Variants in GABRA3 observed in about 807,000 individuals in gnomAD.
The protein encoded by GABRA3 is gamma-aminobutyric acid type A receptor subunit alpha3, also known as gamma-aminobutyric acid receptor subunit alpha-3.
Under a neutral mutation model 30.1 loss-of-function variants are expected in GABRA3, and 10 were observed. The ratio of observed to expected loss-of-function variants is 0.33; its 90% CI spans 0.20 to 0.56. GABRA3 has a LOEUF of 0.56. Among genes scored for constraint, GABRA3 ranks in the 20% least tolerant of loss-of-function variants. The pLI, the probability that GABRA3 is intolerant of heterozygous loss-of-function variation, is 0.89. For synonymous variants in GABRA3, 151 were observed against 146.8 expected (o/e 1.03, Z -0.21); for missense variants, 233 against 392.0 (o/e 0.59, Z 3.42).
chrX:152,345,721 A>G lies in GABRA3; in HGVS notation c.141-19T>C. The G allele has an allele frequency of 8.7e-7, 1 of 1,149,475 alleles. No homozygotes were observed. Among genetic ancestry groups the G allele is most frequent in the South Asian group, 2.0e-5 (1 of 49,444 alleles). The allele number at this position is 1,149,475 out of a possible 1,213,427, so 94.7% of individuals were successfully genotyped here. On this transcript the variant is annotated intron_variant, in intron 2 of 9. Transcript: ENST00000370314. Reference sequence around the variant, plus strand: ...AGACAGCCTGAGGCAATGCAAGGAAAAGAAAAAAAATAATAGTTCTTAATA... The same window carrying G: ...AGACAGCCTGAGGCAATGCAAGGAAGAGAAAAAAAATAATAGTTCTTAATA...
chrX:152,272,783 T>G (rs1358423220), intron 4 of GABRA3, among the ~76,000 whole-genome samples: 3 of 111,320 alleles, frequency 2.7e-5, no homozygotes, highest in Admixed American at 1.9e-4. Context: ...CCTCATGCTG[T>G]TCTCATGATA....
intron 3 of GABRA3, among the ~76,000 whole-genome samples, chrX:152,288,002 T>C (rs1460823328): frequency 9.0e-6 from 1 of 111,573 alleles, no homozygotes; most frequent in East Asian, 2.8e-4. Flanking sequence ...GGTTGCCTTT[T>C]CAATGAAAGT....
intron 6 of GABRA3, among the ~76,000 whole-genome samples, chrX:152,219,069 C>T (rs767915270): frequency 2.7e-5 from 3 of 111,310 alleles, no homozygotes; most frequent in Non-Finnish European, 3.8e-5. Context: ...TTTTCTCATA[C>T]GTCACCTGTC....
At chrX:152,179,493 C>A (rs1411291750) in intron 9 of GABRA3, among the ~76,000 whole-genome samples, 1 of 106,690 alleles carries the variant, frequency 9.4e-6, no homozygotes, top group Non-Finnish European at 1.9e-5. Flanking sequence ...TCTGTGAGTT[C>A]AATTTTTTTT....
intron 3 of GABRA3, among the ~76,000 whole-genome samples, chrX:152,341,933 C>T (rs969578588): frequency 1.8e-5 from 2 of 110,306 alleles, no homozygotes; most frequent in Non-Finnish European, 3.8e-5. Flanking sequence ...AATGCAGTGG[C>T]GTGATCTCAG....
intron 1 of GABRA3, among the ~76,000 whole-genome samples, chrX:152,397,546 C>T (rs1320600619): frequency 1.8e-5 from 2 of 111,438 alleles, no homozygotes; most frequent in Admixed American, 1.9e-4. Context: ...TATTACTACC[C>T]TCTTAAAGTC....
At chrX:152,246,825 C>T (rs1027379952) in intron 5 of GABRA3, among the ~76,000 whole-genome samples, 1 of 111,050 alleles carries the variant, frequency 9.0e-6, no homozygotes, top group Admixed American at 9.6e-5. Context: ...TAAGAAACTA[C>T]AGGTGGAATC....
At chrX:152,296,189 C>T (rs1939524921) in intron 3 of GABRA3, among the ~76,000 whole-genome samples, 1 of 111,849 alleles carries the variant, frequency 8.9e-6, no homozygotes, top group African/African-American at 3.3e-5. Context: ...ATTGCATACA[C>T]TTTTCATCTT....
chrX:152,248,722 G>A (rs1233908840), intron 5 of GABRA3, among the ~76,000 whole-genome samples: 1 of 111,222 alleles, frequency 9.0e-6, no homozygotes, highest in Non-Finnish European at 1.9e-5. Context: ...TTTATAATTA[G>A]GTAGGAGTAA....
At chrX:152,359,733 G>C (rs1928427170) in intron 2 of GABRA3, among the ~76,000 whole-genome samples, 1 of 111,175 alleles carries the variant, frequency 9.0e-6, no homozygotes, top group Non-Finnish European at 1.9e-5. Flanking sequence ...CCATGTCCCA[G>C]AGATTCTGGT....
intron 6 of GABRA3, among the ~76,000 whole-genome samples, chrX:152,212,119 C>CA (rs56202504): frequency 0.12 from 12,222 of 103,489 alleles, 1,195 homozygotes; most frequent in East Asian, 0.3. Context: ...ACCGTCTCTG[C>CA]AAAAAAAATT....
At chrX:152,307,281 A>C (rs1487533488) in intron 3 of GABRA3, among the ~76,000 whole-genome samples, 11 of 112,168 alleles carry the variant, frequency 9.8e-5, no homozygotes, top group Non-Finnish European at 1.9e-4. Context: ...AGGCACTTTG[A>C]AATTGTAAAG....
chrX:152,197,518 G>A, intron 8 of GABRA3, 115 bp downstream of exon 8: 1 of 648,729 alleles, frequency 1.5e-6, no homozygotes. Flanking sequence ...AGTTACTCCT[G>A]CTAGGCACAG....
chrX:152,238,362 A>C (rs1198634996), intron 5 of GABRA3, among the ~76,000 whole-genome samples: 2 of 100,751 alleles, frequency 2.0e-5, no homozygotes, highest in Non-Finnish European at 3.9e-5. Context: ...CATGGTGGAT[A>C]AGCTTTTTGA....
chrX:152,294,252 T>C lies in GABRA3; in HGVS notation c.263-9517A>G, dbSNP rs183598703. On this transcript the variant is annotated intron_variant, in intron 3 of 9. Transcript: ENST00000370314. ...ACTTGGTTCCATTCTCCCCATCACT[T>C]TCAGGTACACCAATCAGACGTAGAT... is the stretch of plus-strand genomic sequence containing the variant. Among the ~76,000 whole-genome samples the C allele has an allele frequency of 3.5e-3, 387 of 111,637 alleles. 12 individuals are homozygous for C. The highest frequency in any genetic ancestry group is 0.034 in the Admixed American group (351 of 10,466).
At chrX:152,286,118 TAAGTA>T (rs1939289850) in intron 3 of GABRA3, among the ~76,000 whole-genome samples, 2 of 86,147 alleles carry the variant, frequency 2.3e-5, no homozygotes, top group African/African-American at 4.5e-5. Flanking sequence ...TTATATACTA[TAAGTA>T]TAGTATAGTA....
At chrX:152,252,485 G>T (rs1199146077) in intron 5 of GABRA3, among the ~76,000 whole-genome samples, 1 of 110,987 alleles carries the variant, frequency 9.0e-6, no homozygotes, top group Admixed American at 9.6e-5. Context: ...TATCTGTAAA[G>T]TTGGGATAAT....
At chrX:152,256,048 G>T in intron 4 of GABRA3, 50 bp from the exon 5 acceptor site, 1 of 911,717 alleles carries the variant, frequency 1.1e-6, no homozygotes, top group Non-Finnish European at 1.6e-6. Context: ...TCTGGTAAGG[G>T]CTCATAGTGC....
intron 4 of GABRA3, among the ~76,000 whole-genome samples, chrX:152,266,840 G>A: frequency 9.0e-6 from 1 of 111,478 alleles, no homozygotes; most frequent in Non-Finnish European, 1.9e-5. Context: ...ACTTTGTTTT[G>A]TTTACTGCTA....
Sources: gnomAD v4.1 joint callset for allele counts (sites outside exome capture counted in the v4.1 genomes callset) on GRCh38, gnomAD v4.1.1 for gene constraint, MANE v1.5 for transcripts, NCBI Gene and HGNC (gene_info 2026-07-23, HGNC 2026-07-21) for gene names.